Variants in ZEB2 observed in about 807,000 individuals in gnomAD.
ZEB2 encodes the protein zinc finger E-box-binding homeobox 2.
Under a neutral mutation model 99.9 loss-of-function variants are expected in ZEB2, and 6 were observed. The observed-to-expected ratio is 0.06, with a 90% confidence interval of 0.03 to 0.12. The LOEUF is 0.12. ZEB2 is among the 10% of genes least tolerant of loss of function. The pLI, the probability that ZEB2 is intolerant of heterozygous loss-of-function variation, is 1.00. For missense variants in ZEB2, 969 were observed against 1,502.8 expected (o/e 0.64, Z 5.87); for synonymous variants, 517 against 542.5 (o/e 0.95, Z 0.65).
chr2:144,489,649 T>C (rs1704648396), intron 2 of ZEB2, among the ~76,000 whole-genome samples: 1 of 152,252 alleles, frequency 6.6e-6, no homozygotes, highest in Admixed American at 6.5e-5. Flanking sequence ...AATTATGTTC[T>C]AGTAGGGTAG....
intron 2 of ZEB2, among the ~76,000 whole-genome samples, chr2:144,473,978 A>T (rs1030722237): frequency 6.6e-6 from 1 of 152,166 alleles, no homozygotes; most frequent in African/African-American, 2.4e-5. Context: ...TACTGTTTCT[A>T]GGAGAGCAGA....
chr2:144,435,442 A>G (rs535802555), intron 2 of ZEB2, among the ~76,000 whole-genome samples: 8 of 152,046 alleles, frequency 5.3e-5, no homozygotes, highest in African/African-American at 1.9e-4. Context: ...TCTACAAGAA[A>G]TAAAAAATCA....
chr2:144,495,285 T>C lies in ZEB2; in HGVS notation c.73+21993A>G, dbSNP rs576249436. ...GGTTATAAAGTTTGCAGCTGTCTTA[T>C]GGAAAGAAAAATCTTCAGTATTTTT... On this transcript the variant is annotated intron_variant, in intron 2 of 9. Coordinates refer to ENST00000627532, the MANE Select transcript of ZEB2 (RefSeq NM_014795.4). 6.6e-5 allele frequency: 10 copies of C among 152,352 alleles called. No individual in the cohort carries two copies. The East Asian group carries it at 7.7e-4, about 12-fold the overall frequency. The allele number at this position is 152,352 out of a possible 1,614,324, so 9.4% of individuals were successfully genotyped here. A position where few individuals can be genotyped will look rare whatever the true frequency, so the allele number is the denominator to read the frequency against.
intron 2 of ZEB2, among the ~76,000 whole-genome samples, chr2:144,481,051 C>T (rs1025114573): frequency 1.3e-5 from 2 of 151,998 alleles, no homozygotes; most frequent in Non-Finnish European, 2.9e-5. Flanking sequence ...CTGGCATCTA[C>T]ACCTTTGAGT....
At chr2:144,485,411 CA>C (rs1704579516) in intron 2 of ZEB2, among the ~76,000 whole-genome samples, 1 of 151,890 alleles carries the variant, frequency 6.6e-6, no homozygotes, top group South Asian at 2.1e-4. Flanking sequence ...TTTATAGAAG[CA>C]AAAAATCTGC....
Position 144,399,612 on chromosome 2 carries a change from A to C in ZEB2, c.1575T>G (p.Ile525Met), listed in dbSNP as rs899934799. The C allele has an allele frequency of 6.2e-7, 1 of 1,614,072 alleles. No individual in the cohort carries two copies. Among genetic ancestry groups the C allele is most frequent in the African/African-American group, 1.3e-5 (1 of 74,918 alleles). ...TGACTTTTTCCAACGTATAGTCAAT[A>C]ATACTTTTAGTGGCACCATTATGAC... ...VVSHNGATKS[I>M]IDYTLEKVNE... Residue 525 changes from isoleucine (I) to methionine (M), a missense_variant, in exon 8 of 10, where the codon ATT becomes ATG. This residue lies in a region of ZEB2 where 227 missense variants were observed against 278.2 expected (regional missense o/e 0.82). Transcript: ENST00000627532. The surrounding 1 kb of genome is among the most constrained non-coding windows in gnomAD (Gnocchi z 5.6).
At chr2:144,407,727 A>G (rs1055518305) in intron 4 of ZEB2, among the ~76,000 whole-genome samples, 2 of 152,190 alleles carry the variant, frequency 1.3e-5, no homozygotes, top group Admixed American at 6.5e-5. Context: ...CTGAATTCGT[A>G]TCTACTTGAG....
At chr2:144,492,240 T>C (rs1282638299) in intron 2 of ZEB2, among the ~76,000 whole-genome samples, 1 of 152,214 alleles carries the variant, frequency 6.6e-6, no homozygotes, top group Admixed American at 6.5e-5. Flanking sequence ...TGCATGCTCA[T>C]TTCCTTGAGT....
chr2:144,516,436 A>AC lies in ZEB2; in HGVS notation c.73+841dup, dbSNP rs68189842. 66,630 of 103,488 alleles carry AC rather than the reference A, an allele frequency of 0.64. 20,971 individuals are homozygous for AC. The highest frequency in any genetic ancestry group is 0.72 in the Non-Finnish European group (38,526 of 53,226). 6.4% of individuals were successfully genotyped at this position (103,488 alleles called of 1,614,324 possible). ...TCCAAAACGGACCTACCAAACTCTC[A>AC]CCCCCCCCTTTAATATCCCACCTCT... On this transcript the variant is annotated intron_variant, in intron 2 of 9. Coordinates refer to ENST00000627532, the MANE Select transcript of ZEB2 (RefSeq NM_014795.4).
intron 2 of ZEB2, among the ~76,000 whole-genome samples, chr2:144,458,127 T>C (rs563305104): frequency 6.6e-6 from 1 of 151,664 alleles, no homozygotes; most frequent in East Asian, 1.9e-4. Context: ...TTATCTATCT[T>C]ATACACACAC....
In ZEB2 at chr2:144,398,509, G is replaced by C. The variant is rs1470387877; in HGVS notation, c.2678C>G (p.Pro893Arg). The change falls in exon 8 of 10, where the codon CCT (proline) becomes CGT (arginine). Residue 893 changes from proline to arginine, a missense_variant. Transcript: ENST00000627532. ...TTGAGGTGGAAGAGCTGTGTATAAA[G>C]GTTTGGCACTAAATGGGTTCATGCT... ...VFSMNPFSAKPLYTALPPQSA... is the reference protein window; with the variant it reads ...VFSMNPFSAKRLYTALPPQSA... 1.2e-6 allele frequency: 2 copies of C among 1,614,072 alleles called. No individual in the cohort carries two copies. Among genetic ancestry groups the C allele is most frequent in the Non-Finnish European group, 8.5e-7 (1 of 1,179,994 alleles).
intron 4 of ZEB2, among the ~76,000 whole-genome samples, chr2:144,407,302 T>C (rs140194068): frequency 1.2e-3 from 180 of 152,350 alleles, no homozygotes; most frequent in Middle Eastern, 6.8e-3. Flanking sequence ...CAGTAGTGGA[T>C]TAAGATTTTA....
intron 9 of ZEB2, among the ~76,000 whole-genome samples, chr2:144,394,062 C>G (rs1703188153): frequency 6.6e-6 from 1 of 152,080 alleles, no homozygotes; most frequent in Admixed American, 6.5e-5. Context: ...GCTGGGATTA[C>G]AGGCATGCAC....
At chr2:144,460,332 G>A (rs1010063358) in intron 2 of ZEB2, among the ~76,000 whole-genome samples, 21 of 152,224 alleles carry the variant, frequency 1.4e-4, no homozygotes, top group African/African-American at 5.1e-4. Flanking sequence ...GACTGATATG[G>A]GGTGGGTGGT....
At chr2:144,397,497 TTAAC>T (rs1183002629) in intron 8 of ZEB2, among the ~76,000 whole-genome samples, 41 of 152,346 alleles carry the variant, frequency 2.7e-4, no homozygotes, top group South Asian at 1.0e-3. Context: ...AGCATAATTA[TTAAC>T]TACTTTGAAG....
intron 4 of ZEB2, among the ~76,000 whole-genome samples, chr2:144,413,688 G>C (rs920729727): frequency 2.6e-5 from 4 of 152,190 alleles, no homozygotes; most frequent in African/African-American, 7.2e-5. Context: ...GACATACTTT[G>C]TAATAGTATG....
At chr2:144,441,659 C>T (rs1245983684) in intron 2 of ZEB2, among the ~76,000 whole-genome samples, 2 of 151,864 alleles carry the variant, frequency 1.3e-5, no homozygotes. Context: ...TTTTTACTCC[C>T]TAATTCTTTG....
At chr2:144,455,473 C>T (rs776839485) in intron 2 of ZEB2, among the ~76,000 whole-genome samples, 14 of 152,124 alleles carry the variant, frequency 9.2e-5, no homozygotes, top group Non-Finnish European at 1.8e-4. Flanking sequence ...TATAACCACA[C>T]GACTGATATT....
chr2:144,482,468 A>G (rs1397015994), intron 2 of ZEB2: 2 of 152,072 alleles, frequency 1.3e-5, no homozygotes, highest in African/African-American at 4.8e-5. Flanking sequence ...TCATAATCCA[A>G]ATGTGTTGAG....
Sources: allele counts gnomAD v4.1 joint callset (sites outside exome capture counted in the v4.1 genomes callset), GRCh38; gene constraint gnomAD v4.1.1; regional missense constraint gnomAD v4.1.1; non-coding constraint Gnocchi (gnomAD v3.1); transcripts MANE v1.5; gene names NCBI Gene and HGNC (gene_info 2026-07-23, HGNC 2026-07-21).